AFF2: variants seen among roughly 807,000 people sequenced by gnomAD.
AFF2 encodes the protein ALF transcription elongation factor 2, also known as AF4/FMR2 family member 2.
In AFF2, 14 loss-of-function variants were observed where a neutral mutation model predicts 76.9. The observed-to-expected ratio is 0.18, with a 90% CI of 0.12 to 0.28. The LOEUF (loss-of-function observed/expected upper bound fraction) is 0.28. Ranked by LOEUF, AFF2 falls within the 10% of genes least tolerant of loss-of-function variation. AFF2 has a pLI of 1.00. For synonymous variants in AFF2, 398 were observed against 366.7 expected (o/e 1.09, Z -0.98); for missense variants, 868 against 1,001.1 (o/e 0.87, Z 1.79).
chrX:148,876,359 G>A (rs1226019839), intron 7 of AFF2, among the ~76,000 whole-genome samples: 1 of 111,837 alleles, frequency 8.9e-6, no homozygotes, highest in East Asian at 2.8e-4. Context: ...GAGCTTTTCA[G>A]TGCACTCAGT....
chrX:148,890,813 C>CT (rs1236983043), intron 8 of AFF2, among the ~76,000 whole-genome samples: 2 of 112,286 alleles, frequency 1.8e-5, no homozygotes, highest in Non-Finnish European at 3.8e-5. Flanking sequence ...ATGCTATACT[C>CT]ACCTTGGCTG....
At chrX:148,542,933 A>C (rs143720999) in intron 1 of AFF2, among the ~76,000 whole-genome samples, 1 of 111,931 alleles carries the variant, frequency 8.9e-6, no homozygotes, top group Non-Finnish European at 1.9e-5. Flanking sequence ...CAAACCATAG[A>C]GTTGATCACC....
chrX:148,750,813 A>G (rs1271412975), intron 3 of AFF2, among the ~76,000 whole-genome samples: 2 of 112,139 alleles, frequency 1.8e-5, no homozygotes, highest in Non-Finnish European at 3.8e-5. Flanking sequence ...GCACATAATA[A>G]GCAGTCAGCA....
intron 3 of AFF2, among the ~76,000 whole-genome samples, chrX:148,809,578 A>G (rs1557271628): frequency 8.9e-6 from 1 of 112,027 alleles, no homozygotes; most frequent in Non-Finnish European, 1.9e-5. Context: ...AGATCACGAG[A>G]TCAAGCTCTC....
intron 3 of AFF2, among the ~76,000 whole-genome samples, chrX:148,671,747 C>T: frequency 9.2e-6 from 1 of 109,272 alleles, no homozygotes; most frequent in Middle Eastern, 4.7e-3. Context: ...ACTACCAATT[C>T]AGCTGGGGTA....
intron 1 of AFF2, among the ~76,000 whole-genome samples, chrX:148,581,513 CGTCT>C (rs2053403516): frequency 1.1e-5 from 1 of 95,030 alleles, no homozygotes; most frequent in African/African-American, 4.3e-5. Flanking sequence ...TATACGTATA[CGTCT>C]ACGTGTACAC....
At chrX:148,744,195 T>C (rs1453158459) in intron 3 of AFF2, among the ~76,000 whole-genome samples, 3 of 111,472 alleles carry the variant, frequency 2.7e-5, no homozygotes, top group African/African-American at 9.8e-5. Flanking sequence ...TAGAGGCTCC[T>C]GTGAAGATAG....
At chrX:148,766,462 T>C (rs1557267752) in intron 3 of AFF2, among the ~76,000 whole-genome samples, 1 of 108,904 alleles carries the variant, frequency 9.2e-6, no homozygotes, top group African/African-American at 3.4e-5. Context: ...CCAGTGATGA[T>C]GAGCATTTTT....
chrX:148,714,718 C>T (rs781801559), intron 3 of AFF2, among the ~76,000 whole-genome samples: 2 of 111,690 alleles, frequency 1.8e-5, no homozygotes, highest in South Asian at 7.5e-4. Context: ...CCTAAGATGT[C>T]GCCTCCAGAA....
intron 3 of AFF2, among the ~76,000 whole-genome samples, chrX:148,750,367 C>T (rs1293956732): frequency 9.0e-6 from 1 of 111,593 alleles, no homozygotes; most frequent in Non-Finnish European, 1.9e-5. Flanking sequence ...TAGCATTTGA[C>T]ATTTTCCCAT....
chrX:148,762,317 T>A (rs2069457118), intron 3 of AFF2, among the ~76,000 whole-genome samples: 1 of 108,921 alleles, frequency 9.2e-6, no homozygotes, highest in African/African-American at 3.5e-5. Flanking sequence ...CATTCCTGAG[T>A]TACTTCACTT....
At chrX:148,768,872 G>A (rs898080508) in intron 3 of AFF2, among the ~76,000 whole-genome samples, 2 of 112,320 alleles carry the variant, frequency 1.8e-5, no homozygotes, top group Non-Finnish European at 3.8e-5. Context: ...GTCCTGGATG[G>A]TGGCAAGTTT....
intron 2 of AFF2, among the ~76,000 whole-genome samples, chrX:148,660,754 C>T (rs941000101): frequency 4.5e-5 from 5 of 112,074 alleles, no homozygotes; most frequent in South Asian, 3.7e-4. Context: ...ATTGCAACAT[C>T]TTGGGCCAGG....
At chrX:148,509,495 A>T in intron 1 of AFF2, among the ~76,000 whole-genome samples, 2 of 112,237 alleles carry the variant, frequency 1.8e-5, no homozygotes, top group South Asian at 7.4e-4. Context: ...AGGGACAACC[A>T]CAAAAGTCTC....
chrX:148,658,008 A>G (rs1394207623), intron 2 of AFF2, among the ~76,000 whole-genome samples: 1 of 111,647 alleles, frequency 9.0e-6, no homozygotes, highest in Non-Finnish European at 1.9e-5. Flanking sequence ...AGTGGTTCTC[A>G]TATCTCCATC....
At chrX:148,652,922 A>T (rs782685882) in intron 2 of AFF2, among the ~76,000 whole-genome samples, 10 of 112,292 alleles carry the variant, frequency 8.9e-5, no homozygotes, top group African/African-American at 3.2e-4. Context: ...AATAAAAATG[A>T]TGTAAGAAGT....
chrX:148,910,444 G>A lies in AFF2; in HGVS notation c.1397+6186G>A, dbSNP rs142329202. Reference sequence around the variant, plus strand: ...AGAGTCTAGCAGAAAAGATAAAATCGGTTTGTAAAAAATTAAATACAAGAT... The same window carrying A: ...AGAGTCTAGCAGAAAAGATAAAATCAGTTTGTAAAAAATTAAATACAAGAT... On this transcript the variant is annotated intron_variant, in intron 9 of 20. Coordinates refer to ENST00000370460, the MANE Select transcript of AFF2 (RefSeq NM_002025.4). Among the ~76,000 whole-genome samples, 300 of 112,281 alleles carry A rather than the reference G, an allele frequency of 2.7e-3. 2 individuals carry two copies. The highest frequency in any genetic ancestry group is 9.2e-3 in the African/African-American group (285 of 30,896).
At chrX:148,700,476 G>T (rs978725272) in intron 3 of AFF2, among the ~76,000 whole-genome samples, 14 of 103,411 alleles carry the variant, frequency 1.4e-4, no homozygotes, top group Admixed American at 1.1e-4. Flanking sequence ...ATTGCGGGGG[G>T]ATTCTATTCT....
At chrX:148,736,131 C>T (rs1557265066) in intron 3 of AFF2, among the ~76,000 whole-genome samples, 1 of 111,696 alleles carries the variant, frequency 9.0e-6, no homozygotes, top group Non-Finnish European at 1.9e-5. Context: ...GGTTAGATAC[C>T]CAGTAGTGGG....
Sources: gnomAD v4.1 joint callset for allele counts (sites outside exome capture counted in the v4.1 genomes callset) on GRCh38, gnomAD v4.1.1 for gene constraint, MANE v1.5 for transcripts, NCBI Gene and HGNC (gene_info 2026-07-23, HGNC 2026-07-21) for gene names.